Variants in PRKN observed in about 807,000 individuals in gnomAD.
PRKN encodes the protein parkin RBR E3 ubiquitin protein ligase.
PRKN carries 56 observed loss-of-function variants against 59.5 expected under a neutral mutation model. That is an observed-to-expected ratio of 0.94 (90% CI 0.76 to 1.18). The LOEUF (loss-of-function observed/expected upper bound fraction) is 1.18. Ranked by LOEUF, PRKN falls within the 50% of genes most tolerant of loss-of-function variation. The pLI is 0.00. For synonymous variants in PRKN, 250 were observed against 222.1 expected (o/e 1.13, Z -1.12); for missense variants, 657 against 596.4 (o/e 1.10, Z -1.06).
At chr6:161,661,263 G>A (rs959687796) in intron 7 of PRKN, among the ~76,000 whole-genome samples, 2 of 152,214 alleles carry the variant, frequency 1.3e-5, no homozygotes, top group Admixed American at 6.5e-5. Context: ...TCTGAACACA[G>A]GGCCCTGCTA....
At chr6:162,569,012 G>A (rs540595681) in intron 1 of PRKN, 24 of 692,630 alleles carry the variant, frequency 3.5e-5, no homozygotes, top group Non-Finnish European at 6.0e-5. Flanking sequence ...AGACCTTGGA[G>A]CTGCAGTCCC....
At chr6:162,490,983 A>C (rs1792784175) in intron 1 of PRKN, among the ~76,000 whole-genome samples, 1 of 152,038 alleles carries the variant, frequency 6.6e-6, no homozygotes. Context: ...AAAATACAAA[A>C]ATTAGCTGGG....
chr6:162,106,528 AT>A (rs1456450209), intron 4 of PRKN, among the ~76,000 whole-genome samples: 3 of 151,978 alleles, frequency 2.0e-5, no homozygotes, highest in African/African-American at 7.3e-5. Flanking sequence ...ATTAATATCT[AT>A]TTTTAAAAGC....
At chr6:162,214,454 G>C (rs190556090) in intron 3 of PRKN, among the ~76,000 whole-genome samples, 8 of 152,000 alleles carry the variant, frequency 5.3e-5, no homozygotes, top group Admixed American at 2.6e-4. Flanking sequence ...CATGAAAGGT[G>C]GTTCCTGAAA....
intron 7 of PRKN, among the ~76,000 whole-genome samples, chr6:161,738,123 G>C (rs1396561235): frequency 6.6e-6 from 1 of 152,120 alleles, no homozygotes; most frequent in Non-Finnish European, 1.5e-5. Context: ...AAATGCAGAT[G>C]ATTTCCTCTT....
At chr6:161,935,145 A>C (rs1301869454) in intron 6 of PRKN, among the ~76,000 whole-genome samples, 1 of 152,156 alleles carries the variant, frequency 6.6e-6, no homozygotes, top group Non-Finnish European at 1.5e-5. Flanking sequence ...AAAAGTTCAC[A>C]GAAAATGCAT....
intron 7 of PRKN, among the ~76,000 whole-genome samples, chr6:161,573,737 A>C (rs1780991593): frequency 2.5e-5 from 1 of 39,342 alleles, no homozygotes; most frequent in Non-Finnish European, 4.6e-5. Flanking sequence ...AAAAAAAAAA[A>C]AAAAAAAAAA....
chr6:161,666,637 C>T lies in PRKN; in HGVS notation c.872-97221G>A, dbSNP rs116273619. On this transcript the variant is annotated intron_variant, in intron 7 of 11. Transcript: ENST00000366898. Reference sequence around the variant, plus strand: ...AACTACATGCAAGGCAAATTTACTACAAAATGTCTGACTTTCCCAGAAATT... The same window carrying T: ...AACTACATGCAAGGCAAATTTACTATAAAATGTCTGACTTTCCCAGAAATT... 4.3e-3 allele frequency among the ~76,000 whole-genome samples: 648 copies of T among 152,288 alleles called. 4 individuals carry two copies. The highest frequency in any genetic ancestry group is 0.015 in the African/African-American group (625 of 41,536).
At chr6:161,971,670 C>T (rs201632664) in intron 6 of PRKN, among the ~76,000 whole-genome samples, 12 of 152,304 alleles carry the variant, frequency 7.9e-5, no homozygotes, top group East Asian at 1.9e-4. Context: ...GAGAAAATCA[C>T]GTCTCATTTT....
chr6:161,591,322 A>G (rs1781717785), intron 7 of PRKN, among the ~76,000 whole-genome samples: 1 of 152,204 alleles, frequency 6.6e-6, no homozygotes, highest in Non-Finnish European at 1.5e-5. Context: ...TTTGGTAAAA[A>G]AAAGTCACTC....
intron 7 of PRKN, among the ~76,000 whole-genome samples, chr6:161,753,519 C>G (rs113378014): frequency 6.6e-6 from 1 of 152,126 alleles, no homozygotes; most frequent in Non-Finnish European, 1.5e-5. Flanking sequence ...AAAAATTCTG[C>G]GGAGGGGGAT....
chr6:161,989,319 C>G (rs1442460044), intron 5 of PRKN, among the ~76,000 whole-genome samples: 1 of 152,192 alleles, frequency 6.6e-6, no homozygotes. Flanking sequence ...TTACCCGTTA[C>G]AGCTGGTGCC....
intron 1 of PRKN, among the ~76,000 whole-genome samples, chr6:162,637,611 G>A (rs1777779134): frequency 6.6e-6 from 1 of 152,108 alleles, no homozygotes; most frequent in African/African-American, 2.4e-5. Flanking sequence ...TCAGGAAGAA[G>A]TAAAAACTTT....
intron 9 of PRKN, among the ~76,000 whole-genome samples, chr6:161,455,695 C>G (rs977423736): frequency 1.3e-5 from 2 of 151,784 alleles, no homozygotes; most frequent in African/African-American, 4.8e-5. Context: ...GAAACCCCAT[C>G]TCTACTAAAT....
At chr6:161,366,709 T>C (rs868116416) in intron 10 of PRKN, among the ~76,000 whole-genome samples, 1 of 152,282 alleles carries the variant, frequency 6.6e-6, no homozygotes, top group African/African-American at 2.4e-5. Context: ...CAGCCACTCA[T>C]ACACTGCTGA....
At chr6:161,394,391 T>A (rs1351724962) in intron 9 of PRKN, among the ~76,000 whole-genome samples, 1 of 152,136 alleles carries the variant, frequency 6.6e-6, no homozygotes, top group African/African-American at 2.4e-5. Flanking sequence ...TCTGTACTAA[T>A]CCCCAGGGAT....
intron 6 of PRKN, among the ~76,000 whole-genome samples, chr6:161,807,254 C>T (rs751482187): frequency 2.6e-5 from 4 of 152,066 alleles, no homozygotes; most frequent in Admixed American, 2.0e-4. Flanking sequence ...CACACACACA[C>T]GAATACACAC....
At chr6:161,646,518 CAG>C (rs1411434284) in intron 7 of PRKN, among the ~76,000 whole-genome samples, 1 of 132,936 alleles carries the variant, frequency 7.5e-6, no homozygotes, top group Non-Finnish European at 1.6e-5. Flanking sequence ...GTATGAGTGA[CAG>C]TGGTGACTGC....
chr6:162,290,074 C>T (rs1323224522), intron 2 of PRKN, among the ~76,000 whole-genome samples: 1 of 152,128 alleles, frequency 6.6e-6, no homozygotes, highest in Admixed American at 6.5e-5. Context: ...TATTCGCCTC[C>T]TATGTCCTGA....
Sources: gnomAD v4.1 joint callset for allele counts (sites outside exome capture counted in the v4.1 genomes callset) on GRCh38, gnomAD v4.1.1 for gene constraint, MANE v1.5 for transcripts, NCBI Gene and HGNC (gene_info 2026-07-23, HGNC 2026-07-21) for gene names.